Variants in NAA50 observed in about 807,000 individuals in gnomAD.
NAA50 encodes N-alpha-acetyltransferase 50.
NAA50 carries 7 observed loss-of-function variants against 20.7 expected under a neutral mutation model. That is an observed-to-expected ratio of 0.34 (90% CI 0.19 to 0.63). The LOEUF (loss-of-function observed/expected upper bound fraction) is 0.63. NAA50 is among the 30% of genes least tolerant of loss of function. The probability of loss-of-function intolerance (pLI) is 0.75; values close to 1 mark genes in which losing one functional copy is unlikely to be tolerated. For missense variants in NAA50, 111 were observed against 199.1 expected (o/e 0.56, Z 2.66); for synonymous variants, 54 against 70.6 (o/e 0.77, Z 1.18).
Position 113,746,013 on chromosome 3 carries a change from G to A in NAA50, c.-64C>T, listed in dbSNP as rs1708493392. 3 of 1,597,442 alleles carry A rather than the reference G, an allele frequency of 1.9e-6. No individual in the cohort carries two copies. Among genetic ancestry groups the A allele is most frequent in the South Asian group, 2.2e-5 (2 of 90,066 alleles). On this transcript the variant is annotated 5_prime_UTR_variant, in exon 1 of 5. Coordinates refer to ENST00000240922, the MANE Select transcript of NAA50 (RefSeq NM_025146.4). ...AACGCCGTCGTAGTCGCCGCCCTTA[G>A]GTCTCCGCACCCTTAGCTCGGGCCA...
chr3:113,734,116 A>G (rs191089016), intron 1 of NAA50, among the ~76,000 whole-genome samples: 1 of 152,332 alleles, frequency 6.6e-6, no homozygotes, highest in East Asian at 1.9e-4. Context: ...GGAATACTAC[A>G]TAACCATAAA....
chr3:113,736,770 A>G (rs1405360862), intron 1 of NAA50, among the ~76,000 whole-genome samples: 1 of 152,220 alleles, frequency 6.6e-6, no homozygotes, highest in East Asian at 1.9e-4. Context: ...GTGATCTTCC[A>G]GCCTCAGCCT....
chr3:113,731,378 C>G (rs920242802), intron 1 of NAA50, among the ~76,000 whole-genome samples: 1 of 152,122 alleles, frequency 6.6e-6, no homozygotes, highest in Non-Finnish European at 1.5e-5. Flanking sequence ...CTCAAGATCA[C>G]AAAGATTTTT....
intron 1 of NAA50, chr3:113,739,449 T>G (rs1708384338): frequency 6.6e-6 from 1 of 152,198 alleles, no homozygotes; most frequent in Admixed American, 6.5e-5. Flanking sequence ...AAATTCATTC[T>G]TAGGAAATTA....
In NAA50 at chr3:113,741,217, T is replaced by A. The variant is rs183111977; in HGVS notation, c.8+4725A>T. 1.5e-3 allele frequency: 708 copies of A among 469,988 alleles called. 8 individuals carry two copies. The highest frequency in any genetic ancestry group is 1.5e-4 in the Non-Finnish European group (36 of 238,432). 29.1% of individuals were successfully genotyped at this position (469,988 alleles called of 1,614,324 possible). On this transcript the variant is annotated intron_variant, in intron 1 of 4. Coordinates refer to ENST00000240922, the MANE Select transcript of NAA50 (RefSeq NM_025146.4). ...AGTGAAACAAATCAGCTGCCCAGCA[T>A]TCCTGCTCCAGGTCCTCAGTACACA...
chr3:113,722,726 TCTA>T (rs1403945491), intron 4 of NAA50, among the ~76,000 whole-genome samples, 177 bp downstream of exon 4: 1 of 152,134 alleles, frequency 6.6e-6, no homozygotes, highest in Non-Finnish European at 1.5e-5. Flanking sequence ...AGGTTCCTAA[TCTA>T]CTATTATTAA....
At chr3:113,728,661 G>A (rs1326033930) in intron 1 of NAA50, among the ~76,000 whole-genome samples, 2 of 152,106 alleles carry the variant, frequency 1.3e-5, no homozygotes, top group Non-Finnish European at 2.9e-5. Context: ...GGACGCATTT[G>A]GTTATCTTCT....
At chr3:113,737,867 G>A (rs1708367080) in intron 1 of NAA50, among the ~76,000 whole-genome samples, 1 of 152,086 alleles carries the variant, frequency 6.6e-6, no homozygotes, top group Non-Finnish European at 1.5e-5. Context: ...GTGGGGGGTT[G>A]CCCTAGTTGG....
At chr3:113,743,897 G>C (rs1206438749) in intron 1 of NAA50, among the ~76,000 whole-genome samples, 3 of 152,202 alleles carry the variant, frequency 2.0e-5, no homozygotes, top group South Asian at 2.1e-4. Context: ...ATTCAAGGTA[G>C]ATTGTGAATA....
At chr3:113,742,583 GC>G (rs1708433266) in intron 1 of NAA50, among the ~76,000 whole-genome samples, 1 of 152,140 alleles carries the variant, frequency 6.6e-6, no homozygotes, top group Admixed American at 6.6e-5. Flanking sequence ...ATGCTGAGAT[GC>G]AAAAAGCATT....
chr3:113,719,339 C>T lies in NAA50; in HGVS notation c.*2421G>A, dbSNP rs1311323369. The T allele has an allele frequency of 2.6e-5, 4 of 152,400 alleles. No individual in the cohort carries two copies. Among genetic ancestry groups the T allele is most frequent in the African/African-American group, 9.7e-5 (4 of 41,326 alleles). The allele number at this position is 152,400 out of a possible 1,614,324, so 9.4% of individuals were successfully genotyped here. A position where few individuals can be genotyped will look rare whatever the true frequency, so the allele number is the denominator to read the frequency against. On this transcript the variant is annotated 3_prime_UTR_variant, in exon 5 of 5. Coordinates refer to ENST00000240922, the MANE Select transcript of NAA50 (RefSeq NM_025146.4). ...CATAGTGTAATTTTAACCTATTTGC[C>T]CCACAGTAAAAACTATCTGTCCTGA...
intron 1 of NAA50, 140 bp downstream of exon 1, chr3:113,745,802 G>T: frequency 1.9e-6 from 2 of 1,044,104 alleles, no homozygotes; most frequent in South Asian, 3.5e-5. Context: ...TCCGGGAGCC[G>T]AGGGAACTGA....
In NAA50 at chr3:113,724,029, G is replaced by A. The variant is rs749338858; in HGVS notation, c.75C>T (p.Val25=). ...TGTCATTGTAGCTGACTGGAAAGAT[G>A]ACCTGATTCAATCTTTTCAACTGTT... The part of the protein sequence containing the change: ...NIKQLKRLNQ[V]IFPVSYNDKF... The change falls in exon 2 of 5, where the codon GTC becomes GTT. Residue 25 remains valine, a synonymous_variant. Coordinates refer to ENST00000240922, the MANE Select transcript of NAA50 (RefSeq NM_025146.4). 1 of 1,611,530 alleles carries A rather than the reference G, an allele frequency of 6.2e-7. No homozygotes were observed. The highest frequency in any genetic ancestry group is 8.5e-7 in the Non-Finnish European group (1 of 1,178,880).
At chr3:113,734,881 A>C (rs1708319780) in intron 1 of NAA50, among the ~76,000 whole-genome samples, 1 of 152,238 alleles carries the variant, frequency 6.6e-6, no homozygotes. Flanking sequence ...TAAGGTATGA[A>C]TGGGCAATTT....
At chr3:113,736,762 G>T (rs1301396264) in intron 1 of NAA50, among the ~76,000 whole-genome samples, 1 of 152,160 alleles carries the variant, frequency 6.6e-6, no homozygotes, top group East Asian at 1.9e-4. Context: ...GGGCTTAAGT[G>T]ATCTTCCAGC....
chr3:113,744,202 C>T (rs1049965247), intron 1 of NAA50, among the ~76,000 whole-genome samples: 3 of 152,172 alleles, frequency 2.0e-5, no homozygotes, highest in East Asian at 1.9e-4. Context: ...TGGCTCACAC[C>T]TGTAATCCCA....
chr3:113,728,762 T>C (rs1189672833), intron 1 of NAA50, among the ~76,000 whole-genome samples: 1 of 152,230 alleles, frequency 6.6e-6, no homozygotes, highest in Non-Finnish European at 1.5e-5. Flanking sequence ...TAGCCTATAG[T>C]TCACTCCTGA....
At chr3:113,740,524 AC>A (rs5851906) in intron 1 of NAA50, among the ~76,000 whole-genome samples, 57,301 of 151,702 alleles carry the variant, frequency 0.38, 10,956 homozygotes, top group African/African-American at 0.44. Context: ...ACACCACCAT[AC>A]CCCAGCTAAT....
chr3:113,724,441 A>G (rs1296064898), intron 1 of NAA50, among the ~76,000 whole-genome samples: 2 of 152,220 alleles, frequency 1.3e-5, no homozygotes, highest in East Asian at 1.9e-4. Context: ...CCTTTGCCCA[A>G]GTATCTTATT....
Sources: gnomAD v4.1 joint callset for allele counts (sites outside exome capture counted in the v4.1 genomes callset) on GRCh38, gnomAD v4.1.1 for gene constraint, MANE v1.5 for transcripts, NCBI Gene and HGNC (gene_info 2026-07-23, HGNC 2026-07-21) for gene names.